The following KCNB2 variants were observed in gnomAD, a reference collection of about 807,000 sequenced individuals.
The protein encoded by KCNB2 is potassium voltage-gated channel subfamily B member 2.
In KCNB2, 15 loss-of-function variants were observed where a neutral mutation model predicts 61.5. The ratio of observed to expected loss-of-function variants is 0.24; its 90% confidence interval spans 0.16 to 0.38. The LOEUF is 0.38. Ranked by LOEUF, KCNB2 falls within the 10% of genes least tolerant of loss-of-function variation. The probability of loss-of-function intolerance (pLI) is 1.00; values close to 1 mark genes in which losing one functional copy is unlikely to be tolerated. For missense variants in KCNB2, 828 were observed against 1,125.2 expected (o/e 0.74, Z 3.78); for synonymous variants, 457 against 446.0 (o/e 1.02, Z -0.31).
chr8:72,795,675 T>C (rs1386052400), intron 2 of KCNB2, among the ~76,000 whole-genome samples: 1 of 152,150 alleles, frequency 6.6e-6, no homozygotes, highest in Non-Finnish European at 1.5e-5. Context: ...CCTTCAAATG[T>C]CCTAAAATGC....
intron 2 of KCNB2, among the ~76,000 whole-genome samples, chr8:72,770,280 A>G (rs1053762732): frequency 6.6e-6 from 1 of 152,186 alleles, no homozygotes; most frequent in African/African-American, 2.4e-5. Context: ...TCTATACCCC[A>G]TGTGCCATCT....
intron 1 of KCNB2, among the ~76,000 whole-genome samples, chr8:72,549,869 G>C (rs1381888808): frequency 6.6e-6 from 1 of 152,158 alleles, no homozygotes; most frequent in Non-Finnish European, 1.5e-5. Flanking sequence ...TGGGATAAAG[G>C]ATGGTAATTA....
Position 72,937,224 on chromosome 8 carries a change from G to A in KCNB2, c.1869G>A (p.Pro623=), listed in dbSNP as rs765701991. The part of the protein sequence containing the change: ...FTETERSPLP[P]PSASHLQMKF... ...AGACAGAGAGATCGCCGCTGCCGCC[G>A]CCCTCCGCCTCTCACTTGCAGATGA... The change falls in exon 3 of 3, where the codon CCG becomes CCA. Residue 623 remains proline (P), a synonymous_variant. Coordinates refer to ENST00000523207, the MANE Select transcript of KCNB2 (RefSeq NM_004770.3). 46 of 1,613,776 alleles carry A rather than the reference G, an allele frequency of 2.9e-5. No individual in the cohort carries two copies. In the Admixed American group the frequency reaches 6.8e-4, roughly 24 times the overall value.
chr8:72,891,088 A>T (rs1329026965), intron 2 of KCNB2, among the ~76,000 whole-genome samples: 1 of 152,194 alleles, frequency 6.6e-6, no homozygotes, highest in Non-Finnish European at 1.5e-5. Flanking sequence ...TTGCCTCTCC[A>T]TTCAGATTGT....
intron 2 of KCNB2, among the ~76,000 whole-genome samples, chr8:72,647,796 AAGTT>A (rs958493584): frequency 6.6e-6 from 1 of 152,138 alleles, no homozygotes; most frequent in Non-Finnish European, 1.5e-5. Context: ...TCAATTATCT[AAGTT>A]AGGATTCTGT....
chr8:72,834,427 C>T (rs902605337), intron 2 of KCNB2, among the ~76,000 whole-genome samples: 3 of 152,138 alleles, frequency 2.0e-5, no homozygotes, highest in Non-Finnish European at 2.9e-5. Context: ...AGTTCTGGAG[C>T]GATGTGAGCA....
chr8:72,924,267 A>C (rs1236786969), intron 2 of KCNB2, among the ~76,000 whole-genome samples: 5 of 152,236 alleles, frequency 3.3e-5, no homozygotes, highest in South Asian at 4.1e-4. Context: ...ACCTCTACAC[A>C]GTGTTGAAAA....
At chr8:72,551,362 C>T (rs1806342069) in intron 1 of KCNB2, among the ~76,000 whole-genome samples, 1 of 152,118 alleles carries the variant, frequency 6.6e-6, no homozygotes, top group African/African-American at 2.4e-5. Context: ...CCTTCATTTC[C>T]CAAAGCATCA....
chr8:72,549,055 C>CA (rs1258193597), intron 1 of KCNB2, among the ~76,000 whole-genome samples: 1 of 152,184 alleles, frequency 6.6e-6, no homozygotes, highest in African/African-American at 2.4e-5. Flanking sequence ...TCTTCTGTTT[C>CA]AATCGTTTTT....
At chr8:72,787,419 A>AT (rs111694200) in intron 2 of KCNB2, among the ~76,000 whole-genome samples, 6,407 of 150,100 alleles carry the variant, frequency 0.043, 142 homozygotes, top group African/African-American at 0.063. Context: ...ATACATCTGA[A>AT]TTTTTTTTTT....
intron 2 of KCNB2, among the ~76,000 whole-genome samples, chr8:72,695,338 G>A (rs988695365): frequency 6.6e-6 from 1 of 152,110 alleles, no homozygotes; most frequent in Non-Finnish European, 1.5e-5. Context: ...GCCCCTGTCA[G>A]CATCAGAAAT....
At chr8:72,754,480 T>C (rs1211316065) in intron 2 of KCNB2, among the ~76,000 whole-genome samples, 1 of 152,146 alleles carries the variant, frequency 6.6e-6, no homozygotes, top group African/African-American at 2.4e-5. Flanking sequence ...TCCATTGTAA[T>C]TCAAGGAGCT....
chr8:72,572,414 C>G (rs1249237461), intron 2 of KCNB2, among the ~76,000 whole-genome samples: 1 of 152,134 alleles, frequency 6.6e-6, no homozygotes, highest in Non-Finnish European at 1.5e-5. Context: ...TGAGAGCACC[C>G]AGCAGCTTTT....
chr8:72,893,007 A>G (rs1440926210), intron 2 of KCNB2, among the ~76,000 whole-genome samples: 1 of 152,132 alleles, frequency 6.6e-6, no homozygotes, highest in Non-Finnish European at 1.5e-5. Flanking sequence ...GGACTACTGC[A>G]CAGTGAGAAA....
At chr8:72,929,400 A>C (rs181318943) in intron 2 of KCNB2, among the ~76,000 whole-genome samples, 44 of 152,334 alleles carry the variant, frequency 2.9e-4, no homozygotes, top group African/African-American at 1.0e-3. Flanking sequence ...TCTGTGTCTA[A>C]GTGAAGAAAT....
rs866260081 is a variant in KCNB2 at position 72,937,644 on chromosome 8, G to A, written c.2289G>A (p.Gln763=). The stretch of plus-strand genomic sequence containing the variant: ...TCCTCTTAGAAGAAACCCCCTCCCA[G>A]GGAGACAGACCCTTGCTGGGCACTG... ...STILLEETPS[Q]GDRPLLGTEV... is the part of the protein sequence containing the mutation. The change falls in exon 3 of 3, where the codon CAG becomes CAA. Residue 763 remains glutamine (Q), a synonymous_variant. Transcript: ENST00000523207. 6.2e-7 allele frequency: 1 copy of A among 1,613,948 alleles called. No individual in the cohort carries two copies. Among genetic ancestry groups the A allele is most frequent in the Admixed American group, 1.7e-5 (1 of 59,994 alleles).
chr8:72,816,040 C>G (rs1809390859), intron 2 of KCNB2, among the ~76,000 whole-genome samples: 1 of 152,090 alleles, frequency 6.6e-6, no homozygotes, highest in Non-Finnish European at 1.5e-5. Flanking sequence ...AATCACACCA[C>G]TGTAAGTAGG....
intron 2 of KCNB2, among the ~76,000 whole-genome samples, chr8:72,572,604 G>GACAC (rs140857657): frequency 6.7e-6 from 1 of 149,160 alleles, no homozygotes; most frequent in Non-Finnish European, 1.5e-5. Flanking sequence ...GACACACACA[G>GACAC]ACACACACAC....
chr8:72,873,476 G>A (rs562602866), intron 2 of KCNB2, among the ~76,000 whole-genome samples: 1 of 152,342 alleles, frequency 6.6e-6, no homozygotes, highest in African/African-American at 2.4e-5. Flanking sequence ...TTAGAATAGT[G>A]AAAGCAGTGT....
Sources: gnomAD v4.1 joint callset for allele counts (sites outside exome capture counted in the v4.1 genomes callset) on GRCh38, gnomAD v4.1.1 for gene constraint, MANE v1.5 for transcripts, NCBI Gene and HGNC (gene_info 2026-07-23, HGNC 2026-07-21) for gene names.